Variants in CACNB2 observed in about 807,000 individuals in gnomAD.
CACNB2 encodes calcium voltage-gated channel auxiliary subunit beta 2.
A neutral mutation model predicts 73.3 loss-of-function variants in CACNB2; 42 were observed. The observed-to-expected ratio is 0.57, with a 90% CI of 0.45 to 0.74. The LOEUF is 0.74. Among genes scored for constraint, CACNB2 ranks in the 30% least tolerant of loss-of-function variants. The probability of loss-of-function intolerance (pLI) is 0.00; values close to 1 mark genes in which losing one functional copy is unlikely to be tolerated. For missense variants in CACNB2, 940 were observed against 853.0 expected, an observed-to-expected ratio of 1.10 and a Z score of -1.27; for synonymous variants, 348 against 310.3, an observed-to-expected ratio of 1.12 and a Z score of -1.28.
At chr10:18,461,764 C>CTTTTTTTT (rs35385599) in intron 3 of CACNB2, among the ~76,000 whole-genome samples, 8 of 68,016 alleles carry the variant, frequency 1.2e-4, no homozygotes, top group Non-Finnish European at 2.1e-4. Context: ...TTCGATAAAG[C>CTTTTTTTT]TTTTTTTTTT....
chr10:18,220,012 C>A (rs1025235797), intron 2 of CACNB2, among the ~76,000 whole-genome samples: 3 of 148,196 alleles, frequency 2.0e-5, no homozygotes, highest in Non-Finnish European at 3.0e-5. Flanking sequence ...ACTGATCTGC[C>A]CTCCTAAGCC....
At chr10:18,216,455 G>A (rs755637799) in intron 2 of CACNB2, among the ~76,000 whole-genome samples, 12 of 152,074 alleles carry the variant, frequency 7.9e-5, no homozygotes, top group Non-Finnish European at 1.5e-4. Context: ...AAAGCTACAT[G>A]GTGATTATTA....
intron 2 of CACNB2, among the ~76,000 whole-genome samples, chr10:18,270,443 G>A (rs1278545223): frequency 2.0e-5 from 3 of 152,038 alleles, no homozygotes; most frequent in Non-Finnish European, 4.4e-5. Flanking sequence ...CTCCACATTG[G>A]AACTGCCATT....
intron 3 of CACNB2, among the ~76,000 whole-genome samples, chr10:18,431,724 A>C (rs1589333845): frequency 6.6e-6 from 1 of 152,106 alleles, no homozygotes; most frequent in East Asian, 1.9e-4. Context: ...AAGCATGGAT[A>C]AGCCCCAAAG....
At chr10:18,274,794 C>T (rs895137551) in intron 2 of CACNB2, among the ~76,000 whole-genome samples, 13 of 151,840 alleles carry the variant, frequency 8.6e-5, no homozygotes, top group African/African-American at 3.1e-4. Context: ...TTCTATGGAC[C>T]AAAAAAACAC....
intron 9 of CACNB2, among the ~76,000 whole-genome samples, 164 bp from the exon 10 acceptor site, chr10:18,527,424 A>G (rs1305972130): frequency 1.3e-5 from 2 of 152,150 alleles, no homozygotes; most frequent in African/African-American, 4.8e-5. Context: ...AAAAATGAAT[A>G]AGTAAAAAGA....
chr10:18,411,246 G>GT (rs112253814), intron 3 of CACNB2, among the ~76,000 whole-genome samples: 9,807 of 152,052 alleles, frequency 0.064, 824 homozygotes, highest in African/African-American at 0.18. Flanking sequence ...CTTAGATTGC[G>GT]TTTTTCTACC....
intron 3 of CACNB2, among the ~76,000 whole-genome samples, chr10:18,496,185 C>CAA (rs57139534): frequency 0.19 from 15,659 of 83,848 alleles, 1,533 homozygotes; most frequent in Middle Eastern, 0.33. Context: ...GACTCAGTCT[C>CAA]AAAAAAAAAA....
chr10:18,342,568 C>CG (rs1256377613), intron 2 of CACNB2, among the ~76,000 whole-genome samples: 3 of 152,158 alleles, frequency 2.0e-5, no homozygotes, highest in Non-Finnish European at 4.4e-5. Flanking sequence ...TTTTAAATTA[C>CG]TTCTTTCCTA....
At position 18,539,732 on chromosome 10, in the gene CACNB2, C is replaced by CCTTT; in HGVS notation, c.*9_*10insTTTC. 1 of 1,570,946 alleles carries CCTTT rather than the reference C, an allele frequency of 6.4e-7. No homozygotes were observed. Among genetic ancestry groups the CCTTT allele is most frequent in the East Asian group, 2.3e-5 (1 of 43,322 alleles). Reference sequence around the variant, plus strand: ...GTTTACATCCGCCAATGAGTTTTGCCCGTTTGTGTTTTTTTTTTTTTTTTT... The same window carrying CCTTT: ...GTTTACATCCGCCAATGAGTTTTGCCCTTTCGTTTGTGTTTTTTTTTTTTTTTTT... On this transcript the variant is annotated 3_prime_UTR_variant, in exon 14 of 14. Coordinates refer to ENST00000324631, the MANE Select transcript of CACNB2 (RefSeq NM_201596.3).
At chr10:18,479,270 C>A (rs1055679526) in intron 3 of CACNB2, among the ~76,000 whole-genome samples, 1 of 152,038 alleles carries the variant, frequency 6.6e-6, no homozygotes, top group Non-Finnish European at 1.5e-5. Flanking sequence ...TCCTGACACC[C>A]ATTCCCTGAA....
At chr10:18,339,770 A>G (rs897174517) in intron 2 of CACNB2, among the ~76,000 whole-genome samples, 18 of 152,268 alleles carry the variant, frequency 1.2e-4, no homozygotes, top group Admixed American at 6.5e-4. Context: ...ATTTCAGGTA[A>G]TTGTCATGTG....
chr10:18,273,222 A>G (rs1328367719), intron 2 of CACNB2, among the ~76,000 whole-genome samples: 1 of 152,052 alleles, frequency 6.6e-6, no homozygotes, highest in African/African-American at 2.4e-5. Context: ...TCAAGTTCCT[A>G]GGAGAGGGGA....
intron 2 of CACNB2, among the ~76,000 whole-genome samples, chr10:18,324,159 G>T (rs1169321326): frequency 6.6e-6 from 1 of 152,210 alleles, no homozygotes; most frequent in Admixed American, 6.5e-5. Flanking sequence ...TACCATCTAT[G>T]TGTTTCTGTT....
intron 2 of CACNB2, among the ~76,000 whole-genome samples, chr10:18,315,499 TAAAAAAA>T (rs756721525): frequency 4.0e-4 from 16 of 39,520 alleles, no homozygotes; most frequent in East Asian, 8.1e-4. Flanking sequence ...TGTCTCTATT[TAAAAAAA>T]AAAAAAAAAA....
At chr10:18,409,502 T>C (rs912210274) in intron 3 of CACNB2, among the ~76,000 whole-genome samples, 7 of 152,184 alleles carry the variant, frequency 4.6e-5, no homozygotes, top group African/African-American at 1.7e-4. Context: ...TTATCACTTA[T>C]CTTGACTAAA....
At chr10:18,276,722 G>C (rs2038304144) in intron 2 of CACNB2, among the ~76,000 whole-genome samples, 1 of 152,176 alleles carries the variant, frequency 6.6e-6, no homozygotes, top group African/African-American at 2.4e-5. Context: ...GGGATTATAG[G>C]CATGTGCCAC....
At chr10:18,464,864 T>C (rs1439129197) in intron 3 of CACNB2, among the ~76,000 whole-genome samples, 1 of 152,240 alleles carries the variant, frequency 6.6e-6, no homozygotes, top group Non-Finnish European at 1.5e-5. Context: ...ATGCAGATTC[T>C]AGTGAACCAA....
At chr10:18,467,730 G>A (rs2047972539) in intron 3 of CACNB2, among the ~76,000 whole-genome samples, 1 of 152,094 alleles carries the variant, frequency 6.6e-6, no homozygotes, top group Admixed American at 6.5e-5. Flanking sequence ...TCCTCCCTTG[G>A]GAACTTTGCT....
Sources: allele counts gnomAD v4.1 joint callset (sites outside exome capture counted in the v4.1 genomes callset), GRCh38; gene constraint gnomAD v4.1.1; transcripts MANE v1.5; gene names NCBI Gene and HGNC (gene_info 2026-07-23, HGNC 2026-07-21).